The following SLC22A15 variants were observed in gnomAD, a reference collection of about 807,000 sequenced individuals.
SLC22A15 encodes the protein flipt 1.
In SLC22A15, 45 loss-of-function variants were observed where a neutral mutation model predicts 62.7. The observed-to-expected ratio is 0.72, with a 90% confidence interval of 0.56 to 0.92. The LOEUF is 0.92. Ranked by LOEUF, SLC22A15 falls within the 40% of genes least tolerant of loss-of-function variation. The pLI is 0.00. For synonymous variants in SLC22A15, 264 were observed against 267.0 expected (o/e 0.99, Z 0.11); for missense variants, 622 against 665.6 (o/e 0.93, Z 0.72).
intron 5 of SLC22A15, among the ~76,000 whole-genome samples, chr1:116,030,459 A>G (rs1399517126): frequency 2.0e-5 from 3 of 152,172 alleles, no homozygotes; most frequent in African/African-American, 7.2e-5. Flanking sequence ...TAAAAAAAAA[A>G]CAACCTTGAT....
chr1:115,993,428 A>AGTGTGTGTGTGTGTGT (rs762008398), intron 2 of SLC22A15, among the ~76,000 whole-genome samples: 2 of 143,566 alleles, frequency 1.4e-5, no homozygotes, highest in African/African-American at 5.4e-5. Context: ...AGTGTGTGAG[A>AGTGTGTGTGTGTGTGT]GTGTGTGTGT....
At chr1:116,057,941 A>C (rs907528017) in intron 8 of SLC22A15, among the ~76,000 whole-genome samples, 5 of 152,098 alleles carry the variant, frequency 3.3e-5, no homozygotes, top group African/African-American at 1.2e-4. Context: ...TAGCATTAGG[A>C]GATATACCTA....
chr1:115,977,409 C>T (rs914400357), intron 1 of SLC22A15, among the ~76,000 whole-genome samples: 1 of 152,210 alleles, frequency 6.6e-6, no homozygotes, highest in African/African-American at 2.4e-5. Context: ...CTTGTACACC[C>T]CAGCCTCAAA....
chr1:116,007,275 T>C (rs2488452), intron 2 of SLC22A15, among the ~76,000 whole-genome samples: 142,017 of 152,236 alleles, frequency 0.93, 66,320 homozygotes, highest in Middle Eastern at 0.99. Context: ...GATGAGATCC[T>C]CATACTGCCA....
At chr1:116,032,371 G>A in intron 6 of SLC22A15, 13 of 985,274 alleles carry the variant, frequency 1.3e-5, no homozygotes, top group Non-Finnish European at 1.6e-5. Context: ...AGTGTTATCT[G>A]GGCAAAATCA....
At chr1:116,022,860 A>G (rs1656910346) in intron 4 of SLC22A15, among the ~76,000 whole-genome samples, 1 of 152,222 alleles carries the variant, frequency 6.6e-6, no homozygotes, top group African/African-American at 2.4e-5. Context: ...AGACCAGTAC[A>G]CAGCCCTGCA....
chr1:116,044,237 A>G (rs1302977566), intron 8 of SLC22A15, among the ~76,000 whole-genome samples: 2 of 152,258 alleles, frequency 1.3e-5, no homozygotes, highest in Admixed American at 1.3e-4. Context: ...CCAGCACTGC[A>G]TAAAAAAGGC....
intron 2 of SLC22A15, among the ~76,000 whole-genome samples, chr1:115,994,980 CTTTT>C (rs200134103): frequency 6.6e-6 from 1 of 151,268 alleles, no homozygotes; most frequent in African/African-American, 2.4e-5. Context: ...GACCTTCAGC[CTTTT>C]TTTTTCTTTT....
At position 116,068,782 on chromosome 1, in the gene SLC22A15, T is replaced by C. The variant is rs1252686529; in HGVS notation, c.*1674T>C. On this transcript the variant is annotated 3_prime_UTR_variant, in exon 12 of 12. Coordinates refer to ENST00000369503, the MANE Select transcript of SLC22A15 (RefSeq NM_018420.3). ...GTCCTGCTTAACTTTCTCTGGAAAATAGACCCCTTCTCAACATCAGAATAG... is the reference window on the plus strand; with the variant it reads ...GTCCTGCTTAACTTTCTCTGGAAAACAGACCCCTTCTCAACATCAGAATAG... The C allele has an allele frequency of 6.6e-6, 1 of 152,092 alleles. No homozygotes were observed. Among genetic ancestry groups the C allele is most frequent in the Non-Finnish European group, 1.5e-5 (1 of 68,022 alleles). 9.4% of individuals were successfully genotyped at this position (152,092 alleles called of 1,614,324 possible). A position where few individuals can be genotyped will look rare whatever the true frequency, so the allele number is the denominator to read the frequency against.
chr1:115,991,463 A>T (rs1655137667), intron 1 of SLC22A15, among the ~76,000 whole-genome samples: 1 of 152,158 alleles, frequency 6.6e-6, no homozygotes, highest in African/African-American at 2.4e-5. Flanking sequence ...CTTATTATGA[A>T]CTGTATATCA....
At chr1:116,061,305 AAG>A (rs1477658001) in intron 8 of SLC22A15, among the ~76,000 whole-genome samples, 1 of 152,190 alleles carries the variant, frequency 6.6e-6, no homozygotes, top group Non-Finnish European at 1.5e-5. Flanking sequence ...GGTTGAAGGA[AAG>A]AGAGCATATT....
At chr1:116,027,100 C>T in intron 5 of SLC22A15, 78 bp downstream of exon 5, 1 of 1,393,916 alleles carries the variant, frequency 7.2e-7, no homozygotes, top group Middle Eastern at 1.8e-4. Flanking sequence ...CAATGAGCAG[C>T]ATTATTCCCT....
At chr1:115,985,819 T>G (rs1044552828) in intron 1 of SLC22A15, among the ~76,000 whole-genome samples, 16 of 151,436 alleles carry the variant, frequency 1.1e-4, no homozygotes, top group African/African-American at 3.9e-4. Flanking sequence ...TGGTGGCGGG[T>G]GCCTGTAATC....
chr1:116,067,257 G>A lies in SLC22A15; in HGVS notation c.*149G>A, dbSNP rs951553211. Reference sequence around the variant, plus strand: ...TACCTGGCATGGACTGATGTTTTTAGGCACAGAAGTTGGAGAAGAGATTTC... The same window carrying A: ...TACCTGGCATGGACTGATGTTTTTAAGCACAGAAGTTGGAGAAGAGATTTC... On this transcript the variant is annotated 3_prime_UTR_variant, in exon 12 of 12. Coordinates refer to ENST00000369503, the MANE Select transcript of SLC22A15 (RefSeq NM_018420.3). The A allele has an allele frequency of 2.6e-5, 16 of 608,398 alleles. No individual in the cohort carries two copies. Among genetic ancestry groups the A allele is most frequent in the Non-Finnish European group, 3.8e-5 (13 of 344,566 alleles). The allele number at this position is 608,398 out of a possible 1,614,324, so 37.7% of individuals were successfully genotyped here. A position where few individuals can be genotyped will look rare whatever the true frequency, so the allele number is the denominator to read the frequency against.
intron 3 of SLC22A15, 61 bp downstream of exon 3, chr1:116,019,775 GA>G (rs1170412659): frequency 1.2e-5 from 18 of 1,522,190 alleles, no homozygotes; most frequent in Non-Finnish European, 1.4e-5. Flanking sequence ...GATTCTTAGG[GA>G]AATAATAAGG....
At chr1:116,040,507 G>A (rs1305863642) in intron 8 of SLC22A15, among the ~76,000 whole-genome samples, 3 of 152,310 alleles carry the variant, frequency 2.0e-5, no homozygotes, top group Non-Finnish European at 2.9e-5. Flanking sequence ...CAAGCAACAC[G>A]TCCAAGGTTG....
chr1:116,030,941 T>TA (rs886537872), intron 5 of SLC22A15, among the ~76,000 whole-genome samples: 1 of 152,006 alleles, frequency 6.6e-6, no homozygotes, highest in Non-Finnish European at 1.5e-5. Flanking sequence ...TTTTAGAACT[T>TA]AAAAAAACCC....
At chr1:115,976,827 C>A in intron 1 of SLC22A15, 113 bp downstream of exon 1, 3 of 808,190 alleles carry the variant, frequency 3.7e-6, no homozygotes, top group Non-Finnish European at 5.7e-6. Context: ...GCTCTGCAAA[C>A]ACCGAGGTGT....
At chr1:115,982,950 C>G (rs938249364) in intron 1 of SLC22A15, among the ~76,000 whole-genome samples, 3 of 152,184 alleles carry the variant, frequency 2.0e-5, no homozygotes, top group Non-Finnish European at 4.4e-5. Flanking sequence ...TCAGTTATTT[C>G]TAATCCTATC....
Sources: allele counts gnomAD v4.1 joint callset (sites outside exome capture counted in the v4.1 genomes callset), GRCh38; gene constraint gnomAD v4.1.1; transcripts MANE v1.5; gene names NCBI Gene and HGNC (gene_info 2026-07-23, HGNC 2026-07-21).